CNNM4: variants seen among roughly 807,000 people sequenced by gnomAD.
CNNM4 encodes cyclin and CBS domain divalent metal cation transport mediator 4, also known as metal transporter CNNM4.
In CNNM4, 32 loss-of-function variants were observed where a neutral mutation model predicts 53.7. The observed-to-expected ratio is 0.60, with a 90% CI of 0.45 to 0.80. The LOEUF is 0.80. Among genes scored for constraint, CNNM4 ranks in the 30% least tolerant of loss-of-function variants. CNNM4 has a pLI of 0.00. For synonymous variants in CNNM4, 410 were observed against 440.0 expected (o/e 0.93, Z 0.85); for missense variants, 784 against 1,022.0 (o/e 0.77, Z 3.17).
intron 5 of CNNM4, among the ~76,000 whole-genome samples, chr2:96,803,740 C>T (rs1487334105): frequency 6.6e-6 from 1 of 150,920 alleles, no homozygotes; most frequent in Non-Finnish European, 1.5e-5. Flanking sequence ...AAAAAAAAAC[C>T]TTGCAGTTTT....
chr2:96,779,754 T>C (rs961065802), intron 1 of CNNM4, among the ~76,000 whole-genome samples: 4 of 152,096 alleles, frequency 2.6e-5, no homozygotes, highest in African/African-American at 4.8e-5. Context: ...GCTTTTTACC[T>C]GGGAATTTTA....
In CNNM4 at chr2:96,761,283, A is replaced by T. The variant is rs2078758878; in HGVS notation, c.284A>T (p.Glu95Val). ...TCCAGCAACCTGATCTCCTTCACCGAGGTGGACGATGCCGAGACCCTCCAC... is the reference window on the plus strand; with the variant it reads ...TCCAGCAACCTGATCTCCTTCACCGTGGTGGACGATGCCGAGACCCTCCAC... ...NISSNLISFT[E>V]VDDAETLHKS... The change falls in exon 1 of 7, where the codon GAG (glutamate) becomes GTG (valine). Residue 95 changes from glutamate (E) to valine (V), a missense_variant. Around this residue, in one of 3 missense-constraint regions of CNNM4, gnomAD observed 473 missense variants for 624.6 expected, o/e 0.76. Coordinates refer to ENST00000377075, the MANE Select transcript of CNNM4 (RefSeq NM_020184.4). The surrounding 1 kb of genome is among the most constrained non-coding windows in gnomAD (Gnocchi z 6.0). The T allele has an allele frequency of 1.2e-6, 2 of 1,613,906 alleles. No individual in the cohort carries two copies. Among genetic ancestry groups the T allele is most frequent in the Non-Finnish European group, 1.7e-6 (2 of 1,179,988 alleles).
At chr2:96,793,418 C>T (rs2079078324) in intron 1 of CNNM4, among the ~76,000 whole-genome samples, 1 of 152,214 alleles carries the variant, frequency 6.6e-6, no homozygotes, top group African/African-American at 2.4e-5. Context: ...CTGTACGGAA[C>T]CCCAGTTGGC....
At chr2:96,803,568 A>G (rs2153350664) in intron 5 of CNNM4, among the ~76,000 whole-genome samples, 1 of 152,154 alleles carries the variant, frequency 6.6e-6, no homozygotes, top group African/African-American at 2.4e-5. Context: ...TCTACTAAAA[A>G]TACAAAAATT....
At chr2:96,794,032 A>G (rs895690620) in intron 1 of CNNM4, among the ~76,000 whole-genome samples, 1 of 152,174 alleles carries the variant, frequency 6.6e-6, no homozygotes, top group African/African-American at 2.4e-5. Context: ...TTCGTTGGTC[A>G]GGATTTGGTC....
At chr2:96,786,017 G>A (rs765298665) in intron 1 of CNNM4, among the ~76,000 whole-genome samples, 2 of 150,694 alleles carry the variant, frequency 1.3e-5, no homozygotes, top group African/African-American at 4.9e-5. Flanking sequence ...AACCCAGGAG[G>A]TGGAGCTTGC....
At chr2:96,778,431 A>C (rs1169252819) in intron 1 of CNNM4, among the ~76,000 whole-genome samples, 1 of 151,048 alleles carries the variant, frequency 6.6e-6, no homozygotes, top group Non-Finnish European at 1.5e-5. Flanking sequence ...GGTGGCGGGC[A>C]CCTGTAATCC....
intron 3 of CNNM4, among the ~76,000 whole-genome samples, chr2:96,798,009 C>T (rs1363879121): frequency 1.3e-5 from 2 of 151,936 alleles, no homozygotes; most frequent in Admixed American, 6.6e-5. Flanking sequence ...AGCAACATGG[C>T]GAGACCCCAT....
chr2:96,782,199 G>A (rs1437710468), intron 1 of CNNM4, among the ~76,000 whole-genome samples: 1 of 152,050 alleles, frequency 6.6e-6, no homozygotes, highest in Non-Finnish European at 1.5e-5. Flanking sequence ...CCAGCACTTT[G>A]GGAGGCTGAG....
chr2:96,811,771 T>G lies in CNNM4; in HGVS notation c.*2254T>G, dbSNP rs1455193686. 6.5e-6 allele frequency: 1 copy of G among 152,674 alleles called. No homozygotes were observed. Among genetic ancestry groups the G allele is most frequent in the African/African-American group, 2.4e-5 (1 of 41,470 alleles). 9.5% of individuals were successfully genotyped at this position (152,674 alleles called of 1,614,324 possible). A position where few individuals can be genotyped will look rare whatever the true frequency, so the allele number is the denominator to read the frequency against. ...TTATGAGTTTGACTCTCGGGGAGTT[T>G]TGTTGTTATGACTCTTGTGTCTTTT... is the stretch of plus-strand genomic sequence containing the variant. On this transcript the variant is annotated 3_prime_UTR_variant, in exon 7 of 7. Transcript: ENST00000377075.
At chr2:96,805,354 C>T (rs908751800) in intron 5 of CNNM4, among the ~76,000 whole-genome samples, 2 of 143,234 alleles carry the variant, frequency 1.4e-5, no homozygotes, top group African/African-American at 5.2e-5. Context: ...CAAAGCTTTA[C>T]TTAAGCACAA....
intron 1 of CNNM4, among the ~76,000 whole-genome samples, chr2:96,770,728 C>T (rs2078861606): frequency 6.6e-6 from 1 of 152,252 alleles, no homozygotes. Context: ...AGCCTGGCCC[C>T]TCTGAAGGAG....
At chr2:96,796,130 T>C (rs2079101023) in intron 1 of CNNM4, among the ~76,000 whole-genome samples, 1 of 110,692 alleles carries the variant, frequency 9.0e-6, no homozygotes, top group South Asian at 3.0e-4. Context: ...CCAGACAGGG[T>C]CTTTTTTTTT....
intron 3 of CNNM4, 93 bp from the exon 4 acceptor site, chr2:96,798,964 G>A: frequency 8.0e-7 from 1 of 1,257,578 alleles, no homozygotes; most frequent in East Asian, 2.3e-5. Flanking sequence ...AGCACAGCGT[G>A]GCTGCTGTGG....
At position 96,790,480 on chromosome 2, in the gene CNNM4, G is replaced by A. The variant is rs373206259; in HGVS notation, c.1403-6532G>A. Among the ~76,000 whole-genome samples the A allele has an allele frequency of 9.2e-5, 14 of 151,722 alleles. No homozygotes were observed. In the East Asian group the frequency reaches 1.6e-3, roughly 17 times the overall value. ...AGCGATTCTCCTGCCTCAGCCTCCC[G>A]AGTAGTTGGGATTACAAGCATGTGC... On this transcript the variant is annotated intron_variant, in intron 1 of 6. Transcript: ENST00000377075.
Position 96,810,342 on chromosome 2 carries a change from G to C in CNNM4, c.*825G>C, listed in dbSNP as rs771331667. On this transcript the variant is annotated 3_prime_UTR_variant, in exon 7 of 7. Coordinates refer to ENST00000377075, the MANE Select transcript of CNNM4 (RefSeq NM_020184.4). This position sits in a 1 kb window ranked among gnomAD's most constrained non-coding sequence, Gnocchi z 4.1. ...GCCCTTTGTGACAGGGCTGACTCAA[G>C]TGTTAGGCAGGGTCTCAGGCCTTTG... is the stretch of plus-strand genomic sequence containing the variant. The C allele has an allele frequency of 2.6e-5, 4 of 152,704 alleles. No homozygotes were observed. The highest frequency in any genetic ancestry group is 5.9e-5 in the Non-Finnish European group (4 of 68,076). The allele number at this position is 152,704 out of a possible 1,614,324, so 9.5% of individuals were successfully genotyped here.
chr2:96,768,936 G>A (rs2078842297), intron 1 of CNNM4, among the ~76,000 whole-genome samples: 1 of 152,236 alleles, frequency 6.6e-6, no homozygotes, highest in African/African-American at 2.4e-5. Context: ...AGCAAGGCCA[G>A]GACAACGCTA....
intron 5 of CNNM4, among the ~76,000 whole-genome samples, chr2:96,804,392 A>G (rs946490133): frequency 2.7e-5 from 4 of 146,188 alleles, no homozygotes; most frequent in African/African-American, 1.0e-4. Context: ...AGGAACCCCC[A>G]GCTAAGTTTT....
At chr2:96,784,728 G>A (rs1574068119) in intron 1 of CNNM4, among the ~76,000 whole-genome samples, 1 of 152,272 alleles carries the variant, frequency 6.6e-6, no homozygotes, top group East Asian at 1.9e-4. Flanking sequence ...TGACTTCTCT[G>A]GGCCTTAGCT....
Sources: gnomAD v4.1 joint callset for allele counts (sites outside exome capture counted in the v4.1 genomes callset) on GRCh38, gnomAD v4.1.1 for gene constraint, gnomAD v4.1.1 regional missense constraint, Gnocchi (gnomAD v3.1) non-coding constraint, MANE v1.5 for transcripts, NCBI Gene and HGNC (gene_info 2026-07-23, HGNC 2026-07-21) for gene names.